Variants in VIPR2 observed in about 807,000 individuals in gnomAD.
VIPR2 encodes the protein vasoactive intestinal peptide receptor 2.
In VIPR2, 48 loss-of-function variants were observed where a neutral mutation model predicts 58.0. That is an observed-to-expected ratio of 0.83 (90% CI 0.66 to 1.05). The LOEUF (loss-of-function observed/expected upper bound fraction) is 1.05. Ranked by LOEUF, VIPR2 falls within the 50% of genes least tolerant of loss-of-function variation. The pLI is 0.00. For synonymous variants in VIPR2, 243 were observed against 235.2 expected (o/e 1.03, Z -0.30); for missense variants, 534 against 558.0 (o/e 0.96, Z 0.43).
chr7:159,046,195 C>T (rs969319624), intron 5 of VIPR2, among the ~76,000 whole-genome samples: 2 of 152,030 alleles, frequency 1.3e-5, no homozygotes, highest in African/African-American at 4.8e-5. Context: ...TACAATATGC[C>T]CCAGAATTCC....
rs554340959 is a variant in VIPR2 at position 159,065,229 on chromosome 7, G to A, written c.358-6651C>T. On this transcript the variant is annotated intron_variant, in intron 4 of 12. Transcript: ENST00000262178. ...TCTAGGATCTCAACCCCTGGATTTAGAAAGCCTTGGACAGCGTCATGCTGC... is the reference window on the plus strand; with the variant it reads ...TCTAGGATCTCAACCCCTGGATTTAAAAAGCCTTGGACAGCGTCATGCTGC... Among the ~76,000 whole-genome samples the A allele has an allele frequency of 1.8e-4, 28 of 152,336 alleles. No homozygotes were observed. The East Asian group carries it at 2.5e-3, about 14-fold the overall frequency.
intron 2 of VIPR2, among the ~76,000 whole-genome samples, chr7:159,112,258 C>A (rs1002972494): frequency 2.6e-5 from 4 of 152,192 alleles, no homozygotes; most frequent in Non-Finnish European, 5.9e-5. Flanking sequence ...TATTGGACCG[C>A]ACGTGAGGGA....
intron 2 of VIPR2, among the ~76,000 whole-genome samples, chr7:159,136,195 C>G (rs1797218006): frequency 6.6e-6 from 1 of 152,136 alleles, no homozygotes; most frequent in Non-Finnish European, 1.5e-5. Flanking sequence ...CTGGCGGGGA[C>G]TTTTCAGGGT....
At chr7:159,036,441 C>T (rs1160691881) in intron 7 of VIPR2, among the ~76,000 whole-genome samples, 1 of 152,140 alleles carries the variant, frequency 6.6e-6, no homozygotes, top group African/African-American at 2.4e-5. Flanking sequence ...CCTCTCTGAT[C>T]CCCACCCTCA....
intron 4 of VIPR2, among the ~76,000 whole-genome samples, chr7:159,091,489 A>G (rs1447147945): frequency 6.6e-6 from 1 of 152,226 alleles, no homozygotes; most frequent in Non-Finnish European, 1.5e-5. Context: ...AGGAATTTTT[A>G]TAACGGAAGG....
intron 4 of VIPR2, among the ~76,000 whole-genome samples, chr7:159,059,737 CCT>C (rs1855525021): frequency 1.1e-5 from 1 of 91,256 alleles, no homozygotes; most frequent in Admixed American, 1.3e-4. Context: ...CCTCACCTCA[CCT>C]AACCACCACT....
rs750350963 is a variant in VIPR2 at position 159,034,609 on chromosome 7, A to G, written c.851T>C (p.Ile284Thr). 2 of 1,614,052 alleles carry G rather than the reference A, an allele frequency of 1.2e-6. No individual in the cohort carries two copies. Among genetic ancestry groups the G allele is most frequent in the Non-Finnish European group, 1.7e-6 (2 of 1,179,950 alleles). The change falls in exon 9 of 13, where the codon ATA becomes ACA. Residue 284 changes from isoleucine (I) to threonine (T), a missense_variant. Ile to Thr is a moderately conservative substitution (Grantham distance 89). Coordinates refer to ENST00000262178, the MANE Select transcript of VIPR2 (RefSeq NM_003382.5). ...GATGGAAATTAAAATCGGTATTCGTATGACCCACCAGGGCACACTGTGGTC... is the reference window on the plus strand; with the variant it reads ...GATGGAAATTAAAATCGGTATTCGTGTGACCCACCAGGGCACACTGTGGTC... ...TNDHSVPWWVIRIPILISIIV... is the reference protein window; with the variant it reads ...TNDHSVPWWVTRIPILISIIV...
chr7:159,132,768 TCA>T (rs1563354937), intron 2 of VIPR2, among the ~76,000 whole-genome samples: 2 of 140,976 alleles, frequency 1.4e-5, no homozygotes, highest in East Asian at 2.1e-4. Context: ...CAGACTGATT[TCA>T]GACAGAATGA....
chr7:159,088,333 T>A, intron 4 of VIPR2, among the ~76,000 whole-genome samples: 1 of 151,364 alleles, frequency 6.6e-6, no homozygotes, highest in Non-Finnish European at 1.5e-5. Flanking sequence ...ACCACAATCA[T>A]GCTGCAGCAC....
At chr7:159,073,029 G>A (rs1856484403) in intron 4 of VIPR2, among the ~76,000 whole-genome samples, 1 of 152,144 alleles carries the variant, frequency 6.6e-6, no homozygotes, top group South Asian at 2.1e-4. Flanking sequence ...GTGAACCCAG[G>A]AGTTTTCACA....
At chr7:159,087,798 G>A (rs1857269187) in intron 4 of VIPR2, among the ~76,000 whole-genome samples, 1 of 144,842 alleles carries the variant, frequency 6.9e-6, no homozygotes, top group Admixed American at 6.9e-5. Flanking sequence ...CTTGGATAGT[G>A]AGATACGGCT....
intron 2 of VIPR2, among the ~76,000 whole-genome samples, chr7:159,129,009 G>C (rs1358659772): frequency 6.6e-6 from 1 of 152,238 alleles, no homozygotes; most frequent in Non-Finnish European, 1.5e-5. Context: ...AGCACATTTT[G>C]GTGCCAGGAG....
chr7:159,091,556 G>C lies in VIPR2; in HGVS notation c.357+12201C>G, dbSNP rs1857504900. Among the ~76,000 whole-genome samples, 2 of 152,210 alleles carry C rather than the reference G, an allele frequency of 1.3e-5. 1 individual carries two copies. The highest frequency in any genetic ancestry group is 1.3e-4 in the Admixed American group (2 of 15,286). On this transcript the variant is annotated intron_variant, in intron 4 of 12. Coordinates refer to ENST00000262178, the MANE Select transcript of VIPR2 (RefSeq NM_003382.5). ...AGCCCTCCTTGCCTGCTTTGCACATGCCTGCCTCGCAGGGGGCCCAGGGAA... is the reference window on the plus strand; with the variant it reads ...AGCCCTCCTTGCCTGCTTTGCACATCCCTGCCTCGCAGGGGGCCCAGGGAA...
rs142018300 is a variant in VIPR2, at chr7:159,107,083, G to A, written c.259+2729C>T. 5.3e-5 allele frequency among the ~76,000 whole-genome samples: 8 copies of A among 152,242 alleles called. No individual in the cohort carries two copies. In the South Asian group the frequency reaches 8.3e-4, roughly 16 times the overall value. The stretch of plus-strand genomic sequence containing the variant: ...GACGAATACTTGAAGGCCTCCCTTA[G>A]GGCTTCAGTGCTTCTCAGCGACTAT... On this transcript the variant is annotated intron_variant, in intron 3 of 12. Transcript: ENST00000262178.
At chr7:159,037,938 A>C (rs927613697) in intron 6 of VIPR2, among the ~76,000 whole-genome samples, 1 of 152,204 alleles carries the variant, frequency 6.6e-6, no homozygotes, top group African/African-American at 2.4e-5. Flanking sequence ...TATCAGATGG[A>C]TACACCTATA....
chr7:159,117,487 G>A (rs935108441), intron 2 of VIPR2: 1 of 705,408 alleles, frequency 1.4e-6, no homozygotes, highest in African/African-American at 1.8e-5. Flanking sequence ...TCATCTCAGA[G>A]GTGGGGCTGC....
rs1228218184 is a variant in VIPR2 at position 159,058,392 on chromosome 7, G to C, written c.455+89C>G. On this transcript the variant is annotated intron_variant, in intron 5 of 12. Transcript: ENST00000262178. ...AGTCTTATTGGCTTAGCACACAGAGGGCTCCAGGCTGGGTGGCGCCTAGAA... is the reference window on the plus strand; with the variant it reads ...AGTCTTATTGGCTTAGCACACAGAGCGCTCCAGGCTGGGTGGCGCCTAGAA... 6.6e-5 allele frequency: 68 copies of C among 1,024,398 alleles called. No homozygotes were observed. The South Asian group carries it at 8.5e-4, about 13-fold the overall frequency. The allele number at this position is 1,024,398 out of a possible 1,614,324, so 63.5% of individuals were successfully genotyped here. A position where few individuals can be genotyped will look rare whatever the true frequency, so the allele number is the denominator to read the frequency against.
chr7:159,094,478 CG>C (rs1450465050), intron 4 of VIPR2, among the ~76,000 whole-genome samples: 1 of 152,222 alleles, frequency 6.6e-6, no homozygotes, highest in Admixed American at 6.5e-5. Flanking sequence ...AGGCCCAGGT[CG>C]TGGCCACGTG....
At chr7:159,092,632 G>C (rs1015245504) in intron 4 of VIPR2, among the ~76,000 whole-genome samples, 37 of 149,482 alleles carry the variant, frequency 2.5e-4, no homozygotes, top group African/African-American at 8.0e-4. Context: ...TTGGCAGGAG[G>C]CTGTTTTCTT....
Sources: gnomAD v4.1 joint callset for allele counts (sites outside exome capture counted in the v4.1 genomes callset) on GRCh38, gnomAD v4.1.1 for gene constraint, MANE v1.5 for transcripts, NCBI Gene and HGNC (gene_info 2026-07-23, HGNC 2026-07-21) for gene names.